Variants in CSMD1 observed in about 807,000 individuals in gnomAD.
CSMD1 encodes CUB and sushi domain-containing protein 1.
Under a neutral mutation model 417.5 loss-of-function variants are expected in CSMD1, and 213 were observed. The observed-to-expected ratio is 0.51, with a 90% CI of 0.46 to 0.57. The LOEUF (loss-of-function observed/expected upper bound fraction) is 0.57, where lower values mean the gene tolerates loss of function less well. Among genes scored for constraint, CSMD1 ranks in the 20% least tolerant of loss-of-function variants. CSMD1 has a pLI of 0.00. For synonymous variants in CSMD1, 2,862 were observed against 1,736.8 expected, an observed-to-expected ratio of 1.65 and a Z score of -16.11; for missense variants, 6,923 against 4,529.7, an observed-to-expected ratio of 1.53 and a Z score of -15.17.
At chr8:3,504,152 C>G (rs1796725595) in intron 10 of CSMD1, among the ~76,000 whole-genome samples, 4 of 151,946 alleles carry the variant, frequency 2.6e-5, no homozygotes, top group Admixed American at 2.6e-4. Flanking sequence ...ATGTTAATTC[C>G]CATGATTTGA....
At chr8:3,357,295 C>T (rs1808858275) in intron 21 of CSMD1, among the ~76,000 whole-genome samples, 1 of 152,188 alleles carries the variant, frequency 6.6e-6, no homozygotes, top group South Asian at 2.1e-4. Flanking sequence ...TCCCTGGGTT[C>T]GAGTCTTCCT....
At chr8:3,013,515 C>T (rs985900943) in intron 52 of CSMD1, among the ~76,000 whole-genome samples, 1 of 152,188 alleles carries the variant, frequency 6.6e-6, no homozygotes, top group Non-Finnish European at 1.5e-5. Context: ...CTTTGGGAGG[C>T]CAAGGCGGGC....
At chr8:4,262,261 T>A (rs1330457960) in intron 3 of CSMD1, among the ~76,000 whole-genome samples, 6 of 152,172 alleles carry the variant, frequency 3.9e-5, no homozygotes, top group Admixed American at 3.3e-4. Context: ...TGGTGGAGGA[T>A]GCCCTCCCTC....
chr8:4,846,894 T>C (rs531630526), intron 1 of CSMD1, among the ~76,000 whole-genome samples: 54 of 152,176 alleles, frequency 3.5e-4, no homozygotes, highest in Non-Finnish European at 6.5e-4. Context: ...ATAGTGAAAC[T>C]TACTGGAAAC....
intron 5 of CSMD1, among the ~76,000 whole-genome samples, chr8:3,756,912 C>T (rs760576121): frequency 2.6e-5 from 4 of 152,144 alleles, no homozygotes; most frequent in African/African-American, 9.7e-5. Flanking sequence ...CCGCTTGCCT[C>T]AACCTCTGGA....
chr8:4,731,057 G>C (rs896143035), intron 1 of CSMD1, among the ~76,000 whole-genome samples: 1 of 152,122 alleles, frequency 6.6e-6, no homozygotes, highest in Non-Finnish European at 1.5e-5. Flanking sequence ...GAGGGTCTGT[G>C]GGTCTTGACT....
At chr8:4,716,809 T>C (rs75382671) in intron 1 of CSMD1, among the ~76,000 whole-genome samples, 2,582 of 152,280 alleles carry the variant, frequency 0.017, 72 homozygotes, top group African/African-American at 0.059. Context: ...TTCCTTGCCA[T>C]TTTCAAACAT....
At chr8:3,342,221 G>C (rs1195464320) in intron 23 of CSMD1, among the ~76,000 whole-genome samples, 2 of 152,126 alleles carry the variant, frequency 1.3e-5, no homozygotes, top group African/African-American at 2.4e-5. Flanking sequence ...CTTCACCTGT[G>C]ATTTTTTCCT....
intron 4 of CSMD1, among the ~76,000 whole-genome samples, chr8:4,007,108 T>A (rs1349519972): frequency 6.6e-6 from 1 of 152,048 alleles, no homozygotes; most frequent in East Asian, 1.9e-4. Context: ...AAAGTTTTGG[T>A]ATTACAGGTG....
chr8:3,696,487 C>T (rs902151075), intron 7 of CSMD1, among the ~76,000 whole-genome samples: 1 of 152,192 alleles, frequency 6.6e-6, no homozygotes, highest in Non-Finnish European at 1.5e-5. Flanking sequence ...GCAGTGAACC[C>T]AACGGATGTG....
intron 5 of CSMD1, among the ~76,000 whole-genome samples, chr8:3,973,820 G>C (rs763092062): frequency 6.6e-6 from 1 of 152,146 alleles, no homozygotes; most frequent in Non-Finnish European, 1.5e-5. Flanking sequence ...GGCCTTTTAT[G>C]TGTTTAATAT....
intron 3 of CSMD1, among the ~76,000 whole-genome samples, chr8:4,276,606 TA>T (rs992023869): frequency 6.6e-5 from 10 of 152,218 alleles, no homozygotes; most frequent in Admixed American, 4.6e-4. Flanking sequence ...ATAAATTTAA[TA>T]AAAAAAGTGA....
intron 5 of CSMD1, among the ~76,000 whole-genome samples, chr8:3,926,104 C>A (rs868429886): frequency 0.012 from 509 of 41,550 alleles, 54 homozygotes; most frequent in African/African-American, 0.054. Flanking sequence ...CACACACACA[C>A]ACACACACAC....
chr8:3,384,936 T>C (rs1409081614), intron 18 of CSMD1, among the ~76,000 whole-genome samples: 2 of 108,582 alleles, frequency 1.8e-5, no homozygotes, highest in East Asian at 4.7e-4. Flanking sequence ...TAATATAATA[T>C]ATAATATATG....
At chr8:4,076,020 C>T (rs2130795263) in intron 3 of CSMD1, among the ~76,000 whole-genome samples, 1 of 152,218 alleles carries the variant, frequency 6.6e-6, no homozygotes, top group Middle Eastern at 3.4e-3. Context: ...TATTTTAATT[C>T]CTATAAATAT....
chr8:4,269,052 G>A (rs962401901), intron 3 of CSMD1, among the ~76,000 whole-genome samples: 1 of 151,988 alleles, frequency 6.6e-6, no homozygotes. Flanking sequence ...TATCATCTTC[G>A]TCTTTTTGTT....
chr8:4,672,500 A>C (rs1379856853), intron 1 of CSMD1, among the ~76,000 whole-genome samples: 1 of 152,226 alleles, frequency 6.6e-6, no homozygotes, highest in Non-Finnish European at 1.5e-5. Flanking sequence ...CTGATGAAAA[A>C]AAGCTTTAAT....
chr8:4,115,606 T>C (rs953128282), intron 3 of CSMD1, among the ~76,000 whole-genome samples: 25 of 152,192 alleles, frequency 1.6e-4, no homozygotes, highest in Non-Finnish European at 1.2e-4. Context: ...TAAATAAATA[T>C]ATACGTGATC....
intron 3 of CSMD1, among the ~76,000 whole-genome samples, chr8:4,320,534 G>T (rs979897665): frequency 1.3e-5 from 2 of 151,818 alleles, no homozygotes; most frequent in African/African-American, 4.8e-5. Flanking sequence ...ACAGGCCCCA[G>T]TGGGTGATGT....
Sources: allele counts gnomAD v4.1 joint callset (sites outside exome capture counted in the v4.1 genomes callset), GRCh38; gene constraint gnomAD v4.1.1; transcripts MANE v1.5; gene names NCBI Gene and HGNC (gene_info 2026-07-23, HGNC 2026-07-21).